KSR2: variants seen among roughly 807,000 people sequenced by gnomAD.
KSR2 encodes kinase suppressor of ras 2.
In KSR2, 25 loss-of-function variants were observed where a neutral mutation model predicts 107.8. The observed-to-expected ratio is 0.23, with a 90% CI of 0.17 to 0.32. KSR2 has a LOEUF of 0.32. Among genes scored for constraint, KSR2 ranks in the 10% least tolerant of loss-of-function variants. KSR2 has a pLI of 1.00. For synonymous variants in KSR2, 480 were observed against 507.0 expected, an observed-to-expected ratio of 0.95 and a Z score of 0.71; for missense variants, 887 against 1,268.9, an observed-to-expected ratio of 0.70 and a Z score of 4.57.
At chr12:117,546,682 C>T (rs1876892364) in intron 9 of KSR2, among the ~76,000 whole-genome samples, 1 of 152,182 alleles carries the variant, frequency 6.6e-6, no homozygotes, top group Non-Finnish European at 1.5e-5. Flanking sequence ...GTTATCCAGA[C>T]TGTGTAATTT....
At chr12:117,664,469 A>G (rs573875524) in intron 5 of KSR2, among the ~76,000 whole-genome samples, 1 of 152,272 alleles carries the variant, frequency 6.6e-6, no homozygotes, top group East Asian at 1.9e-4. Flanking sequence ...AGGGCCCAAA[A>G]GCAGGGAGTT....
Position 117,819,847 on chromosome 12 carries a change from C to CA in KSR2, c.472+35580dup, listed in dbSNP as rs796271508. On this transcript the variant is annotated intron_variant, in intron 3 of 19. Transcript: ENST00000339824. The stretch of plus-strand genomic sequence containing the variant: ...TTCAAAAATTAATGACATGGCCCTC[C>CA]AAAAAAAAAGAAGGGAAGGAGAAAG... 7.1e-3 allele frequency among the ~76,000 whole-genome samples: 1,056 copies of CA among 149,680 alleles called. 13 individuals are homozygous for CA. The highest frequency in any genetic ancestry group is 0.023 in the African/African-American group (930 of 40,782).
intron 8 of KSR2, among the ~76,000 whole-genome samples, chr12:117,558,296 G>A (rs749619960): frequency 3.3e-5 from 5 of 152,166 alleles, no homozygotes; most frequent in Non-Finnish European, 7.3e-5. Context: ...AGAGGGACCA[G>A]TAGAGGGGCA....
intron 19 of KSR2, among the ~76,000 whole-genome samples, chr12:117,467,664 AG>A (rs766226871): frequency 1.8e-4 from 28 of 151,978 alleles, no homozygotes; most frequent in Non-Finnish European, 4.0e-4. Flanking sequence ...ACAGCTAGAG[AG>A]GCAGGAAGAG....
At chr12:117,926,369 A>G (rs933475002) in intron 1 of KSR2, among the ~76,000 whole-genome samples, 6 of 152,242 alleles carry the variant, frequency 3.9e-5, no homozygotes, top group Non-Finnish European at 4.4e-5. Flanking sequence ...AGCACCAACC[A>G]TTACGTGCAA....
chr12:117,827,823 G>C (rs1048376682), intron 3 of KSR2, among the ~76,000 whole-genome samples: 3 of 152,332 alleles, frequency 2.0e-5, no homozygotes, highest in Middle Eastern at 3.4e-3. Context: ...AAAGCACAGA[G>C]AGGTTAAGTA....
At chr12:117,719,096 A>C (rs555436732) in intron 4 of KSR2, among the ~76,000 whole-genome samples, 1 of 152,338 alleles carries the variant, frequency 6.6e-6, no homozygotes, top group East Asian at 1.9e-4. Context: ...GACAAACTTT[A>C]TTTGGCTCAT....
rs373381529 is a variant in KSR2 at position 117,727,636 on chromosome 12, GC to G, written c.986+33374del. On this transcript the variant is annotated intron_variant, in intron 4 of 19. Transcript: ENST00000339824. ...GAAGGAACACCAAGTATTGCCAGGA[GC>G]CATCAGAAGCTGGGAGAGGCAAGGA... Among the ~76,000 whole-genome samples, 13 of 152,122 alleles carry G rather than the reference GC, an allele frequency of 8.5e-5. No individual in the cohort carries two copies. In the South Asian group the frequency reaches 1.7e-3, roughly 19 times the overall value.
chr12:117,503,121 C>T (rs1326236404), intron 14 of KSR2, among the ~76,000 whole-genome samples: 55 of 152,120 alleles, frequency 3.6e-4, no homozygotes, highest in Admixed American at 3.6e-3. Context: ...TTAGGGGAGA[C>T]AGTAGCACCT....
Position 117,842,403 on chromosome 12 carries a change from G to A in KSR2, c.472+13025C>T, listed in dbSNP as rs898809672. Among the ~76,000 whole-genome samples the A allele has an allele frequency of 2.0e-5, 3 of 152,176 alleles. No individual in the cohort carries two copies. The highest frequency in any genetic ancestry group is 4.4e-5 in the Non-Finnish European group (3 of 68,036). On this transcript the variant is annotated intron_variant, in intron 3 of 19. Coordinates refer to ENST00000339824, the MANE Select transcript of KSR2 (RefSeq NM_173598.6). The surrounding 1 kb of genome is among the most constrained non-coding windows in gnomAD (Gnocchi z 4.2). ...GCAAAGGCCCTGGGGCAGGCGTTGTGAAGAAGAGAGGGTAGCTGGGTGCAA... is the reference window on the plus strand; with the variant it reads ...GCAAAGGCCCTGGGGCAGGCGTTGTAAAGAAGAGAGGGTAGCTGGGTGCAA...
chr12:117,608,257 A>G (rs550176454), intron 5 of KSR2, among the ~76,000 whole-genome samples: 7 of 152,348 alleles, frequency 4.6e-5, no homozygotes, highest in African/African-American at 1.7e-4. Context: ...GGTTCCTTGA[A>G]GACATGGCTG....
intron 5 of KSR2, among the ~76,000 whole-genome samples, chr12:117,639,322 C>T (rs1878422): frequency 0.17 from 24,938 of 150,950 alleles, 2,155 homozygotes; most frequent in Middle Eastern, 0.22. Context: ...TTATTATTAT[C>T]ATCATTATTA....
At chr12:117,537,744 T>C (rs1876151025) in intron 10 of KSR2, among the ~76,000 whole-genome samples, 1 of 152,176 alleles carries the variant, frequency 6.6e-6, no homozygotes, top group African/African-American at 2.4e-5. Flanking sequence ...TGTCATGGCC[T>C]GTCATGGAGC....
At position 117,856,763 on chromosome 12, in the gene KSR2, C is replaced by A. The variant is rs532438356; in HGVS notation, c.322-1185G>T. On this transcript the variant is annotated intron_variant, in intron 2 of 19. Coordinates refer to ENST00000339824, the MANE Select transcript of KSR2 (RefSeq NM_173598.6). ...AAGTAAATAAGGGTGAAATAGCCTACGGATGGTGTTTCTAGGGCAGTATTG... is the reference window on the plus strand; with the variant it reads ...AAGTAAATAAGGGTGAAATAGCCTAAGGATGGTGTTTCTAGGGCAGTATTG... 1.4e-4 allele frequency among the ~76,000 whole-genome samples: 22 copies of A among 152,254 alleles called. No homozygotes were observed. The South Asian group carries it at 4.6e-3, about 32-fold the overall frequency.
intron 1 of KSR2, among the ~76,000 whole-genome samples, chr12:117,966,761 T>G (rs1896810473): frequency 6.7e-6 from 1 of 149,654 alleles, no homozygotes; most frequent in Admixed American, 6.7e-5. Context: ...AATTTAAAAA[T>G]CACGGAAAAA....
chr12:117,792,884 C>T (rs1026534068), intron 3 of KSR2, among the ~76,000 whole-genome samples: 2 of 152,040 alleles, frequency 1.3e-5, no homozygotes, highest in Non-Finnish European at 2.9e-5. Context: ...CATGCACACA[C>T]ACACAACATG....
chr12:117,550,363 T>C (rs1877204437), intron 9 of KSR2, among the ~76,000 whole-genome samples: 1 of 152,334 alleles, frequency 6.6e-6, no homozygotes, highest in Middle Eastern at 3.4e-3. Flanking sequence ...GATTTGGACA[T>C]GGCGGTGATG....
At chr12:117,780,757 A>G (rs894755707) in intron 3 of KSR2, among the ~76,000 whole-genome samples, 7 of 152,210 alleles carry the variant, frequency 4.6e-5, no homozygotes, top group African/African-American at 1.7e-4. Flanking sequence ...TTTAAATGTA[A>G]CCACTAGGAA....
intron 5 of KSR2, among the ~76,000 whole-genome samples, chr12:117,646,371 C>T (rs553866378): frequency 8.5e-5 from 13 of 152,274 alleles, no homozygotes; most frequent in African/African-American, 3.1e-4. Context: ...TCACTGGGTC[C>T]TCGTGGCAGC....
Sources: gnomAD v4.1 joint callset for allele counts (sites outside exome capture counted in the v4.1 genomes callset) on GRCh38, gnomAD v4.1.1 for gene constraint, Gnocchi (gnomAD v3.1) non-coding constraint, MANE v1.5 for transcripts, NCBI Gene and HGNC (gene_info 2026-07-23, HGNC 2026-07-21) for gene names.